Variants in PRKCA observed in about 807,000 individuals in gnomAD.
PRKCA encodes the protein protein kinase C alpha type.
Under a neutral mutation model 87.0 loss-of-function variants are expected in PRKCA, and 27 were observed. That is an observed-to-expected ratio of 0.31 (90% CI 0.23 to 0.43). The LOEUF (loss-of-function observed/expected upper bound fraction) is 0.43. Among genes scored for constraint, PRKCA ranks in the 20% least tolerant of loss-of-function variants. PRKCA has a pLI of 1.00. For missense variants in PRKCA, 518 were observed against 852.3 expected (o/e 0.61, Z 4.88); for synonymous variants, 329 against 311.1 (o/e 1.06, Z -0.61).
At chr17:66,335,911 C>A (rs1291817970) in intron 2 of PRKCA, among the ~76,000 whole-genome samples, 2 of 152,158 alleles carry the variant, frequency 1.3e-5, no homozygotes, top group Non-Finnish European at 2.9e-5. Flanking sequence ...TCCATATCAT[C>A]ACATTACCCT....
rs1975975368 is a variant in PRKCA at position 66,804,328 on chromosome 17, G to A, written c.*291G>A. On this transcript the variant is annotated 3_prime_UTR_variant, in exon 17 of 17. Transcript: ENST00000413366. Reference sequence around the variant, plus strand: ...CTTCCTAGAAAGCAAGCAGACTGTTGCCCCATTTTGGGTACAATTTGATAT... The same window carrying A: ...CTTCCTAGAAAGCAAGCAGACTGTTACCCCATTTTGGGTACAATTTGATAT... 1 of 284,500 alleles carries A rather than the reference G, an allele frequency of 3.5e-6. No individual in the cohort carries two copies. Among genetic ancestry groups the A allele is most frequent in the Admixed American group, 4.8e-5 (1 of 20,768 alleles). 17.6% of individuals were successfully genotyped at this position (284,500 alleles called of 1,614,324 possible). A position where few individuals can be genotyped will look rare whatever the true frequency, so the allele number is the denominator to read the frequency against.
chr17:66,686,823 G>C (rs894951099), intron 5 of PRKCA, among the ~76,000 whole-genome samples: 3 of 152,140 alleles, frequency 2.0e-5, no homozygotes, highest in African/African-American at 7.2e-5. Flanking sequence ...TGGGACCTGG[G>C]TTTCTGCATT....
intron 2 of PRKCA, among the ~76,000 whole-genome samples, chr17:66,350,903 A>T (rs536626484): frequency 6.6e-6 from 1 of 151,944 alleles, no homozygotes; most frequent in East Asian, 1.9e-4. Context: ...TGTTTAGTTG[A>T]CTCTGGTTTC....
intron 2 of PRKCA, among the ~76,000 whole-genome samples, chr17:66,483,320 G>A (rs910585159): frequency 1.3e-5 from 2 of 152,038 alleles, no homozygotes; most frequent in Non-Finnish European, 2.9e-5. Flanking sequence ...ACTCCCCCTG[G>A]CTTCTGGTGG....
intron 2 of PRKCA, among the ~76,000 whole-genome samples, chr17:66,482,182 A>AGAT (rs1171217414): frequency 1.2e-4 from 19 of 152,096 alleles, no homozygotes; most frequent in African/African-American, 4.6e-4. Context: ...CTAGAAGGAT[A>AGAT]CATGTGGGTC....
intron 3 of PRKCA, among the ~76,000 whole-genome samples, chr17:66,566,972 C>T (rs1968923837): frequency 1.3e-5 from 2 of 152,120 alleles, no homozygotes; most frequent in South Asian, 4.1e-4. Flanking sequence ...AAATTTATCC[C>T]ATAGATAACT....
chr17:66,303,893 G>C (rs1231209515), intron 1 of PRKCA, among the ~76,000 whole-genome samples: 1 of 152,160 alleles, frequency 6.6e-6, no homozygotes, highest in Non-Finnish European at 1.5e-5. Flanking sequence ...CCAGCTACTC[G>C]GGAGGCTGAG....
At chr17:66,653,283 T>C (rs1971639985) in intron 5 of PRKCA, among the ~76,000 whole-genome samples, 1 of 152,200 alleles carries the variant, frequency 6.6e-6, no homozygotes, top group Non-Finnish European at 1.5e-5. Flanking sequence ...GAGTCATATG[T>C]AGGTATGTGT....
intron 2 of PRKCA, among the ~76,000 whole-genome samples, chr17:66,374,797 G>A (rs1478136503): frequency 7.4e-6 from 1 of 136,034 alleles, no homozygotes; most frequent in Non-Finnish European, 1.5e-5. Flanking sequence ...GCTTGATCTT[G>A]GCTCACTGCA....
At chr17:66,779,135 T>C (rs1167397350) in intron 14 of PRKCA, among the ~76,000 whole-genome samples, 3 of 152,178 alleles carry the variant, frequency 2.0e-5, no homozygotes, top group Non-Finnish European at 4.4e-5. Context: ...GAATAGATGT[T>C]GTTATTGAAA....
At chr17:66,550,255 C>G (rs1024993171) in intron 3 of PRKCA, among the ~76,000 whole-genome samples, 8 of 152,174 alleles carry the variant, frequency 5.3e-5, no homozygotes, top group Non-Finnish European at 2.9e-5. Context: ...AAAGGCTTCC[C>G]TTTGAGGTCT....
At chr17:66,613,250 T>C (rs1224893678) in intron 3 of PRKCA, among the ~76,000 whole-genome samples, 1 of 152,162 alleles carries the variant, frequency 6.6e-6, no homozygotes, top group African/African-American at 2.4e-5. Flanking sequence ...CTGTGAAGAG[T>C]TGAGTCAAGG....
At chr17:66,358,441 G>A (rs1908195865) in intron 2 of PRKCA, among the ~76,000 whole-genome samples, 1 of 150,208 alleles carries the variant, frequency 6.7e-6, no homozygotes, top group African/African-American at 2.5e-5. Context: ...CTAGTACCTA[G>A]AAGGTACTTT....
intron 2 of PRKCA, among the ~76,000 whole-genome samples, chr17:66,481,927 C>T (rs1915793652): frequency 6.6e-6 from 1 of 151,430 alleles, no homozygotes; most frequent in Admixed American, 6.6e-5. Flanking sequence ...ATGGTGAAAC[C>T]CCATCTCTAC....
chr17:66,559,535 A>G (rs1421830158), intron 3 of PRKCA, among the ~76,000 whole-genome samples: 1 of 139,308 alleles, frequency 7.2e-6, no homozygotes, highest in Non-Finnish European at 1.6e-5. Flanking sequence ...CTTAGAGTTT[A>G]GGGAACTCAG....
At chr17:66,410,273 TTATA>T (rs1159218431) in intron 2 of PRKCA, among the ~76,000 whole-genome samples, 1 of 152,120 alleles carries the variant, frequency 6.6e-6, no homozygotes, top group Non-Finnish European at 1.5e-5. Context: ...TTTTTCCTAT[TTATA>T]TGAGGAATAT....
intron 5 of PRKCA, among the ~76,000 whole-genome samples, chr17:66,682,331 A>T (rs1325414940): frequency 1.1e-4 from 16 of 152,274 alleles, no homozygotes; most frequent in Admixed American, 1.0e-3. Flanking sequence ...AAGCCAAAAA[A>T]ATGAGAATAT....
chr17:66,633,801 CA>C (rs909490691), intron 3 of PRKCA, among the ~76,000 whole-genome samples: 4 of 152,172 alleles, frequency 2.6e-5, no homozygotes, highest in African/African-American at 4.8e-5. Flanking sequence ...ACATCCCCAT[CA>C]AAAAACATCA....
intron 3 of PRKCA, among the ~76,000 whole-genome samples, chr17:66,546,584 T>G (rs1357916405): frequency 6.6e-6 from 1 of 152,238 alleles, no homozygotes; most frequent in Non-Finnish European, 1.5e-5. Context: ...CTTCCCTCTG[T>G]GTGTGCCTGC....
Sources: allele counts gnomAD v4.1 joint callset (sites outside exome capture counted in the v4.1 genomes callset), GRCh38; gene constraint gnomAD v4.1.1; transcripts MANE v1.5; gene names NCBI Gene and HGNC (gene_info 2026-07-23, HGNC 2026-07-21).